The following ELP1 variants were observed in gnomAD, a reference collection of about 807,000 sequenced individuals.
ELP1 encodes the protein elongator complex protein 1.
A neutral mutation model predicts 183.2 loss-of-function variants in ELP1; 131 were observed. The ratio of observed to expected loss-of-function variants is 0.72; its 90% CI spans 0.62 to 0.83. The LOEUF (loss-of-function observed/expected upper bound fraction) is 0.83, where lower values mean the gene tolerates loss of function less well. Ranked by LOEUF, ELP1 falls within the 40% of genes least tolerant of loss-of-function variation. The pLI, the probability that ELP1 is intolerant of heterozygous loss-of-function variation, is 0.00. For synonymous variants in ELP1, 555 were observed against 569.0 expected (o/e 0.98, Z 0.35); for missense variants, 1,550 against 1,594.9 (o/e 0.97, Z 0.48).
In ELP1 at chr9:108,881,720, G is replaced by T; in HGVS notation, c.3331C>A (p.Pro1111Thr). 1 of 1,578,766 alleles carries T rather than the reference G, an allele frequency of 6.3e-7. No individual in the cohort carries two copies. The highest frequency in any genetic ancestry group is 8.7e-7 in the Non-Finnish European group (1 of 1,148,212). Residue 1111 changes from proline to threonine, a missense_variant, in exon 31 of 37, where the codon CCT (proline) becomes ACT (threonine). Pro to Thr is a conservative substitution (Grantham distance 38). Transcript: ENST00000374647. ...GAACCCTCACCTTCTAAAATGGAAG[G>T]CTTTACGTTGGTTTCTATAATATCC... ...RLDIIETNVK[P>T]SILEAQKNYM...
intron 3 of ELP1, among the ~76,000 whole-genome samples, chr9:108,929,142 A>T (rs1829915870): frequency 1.3e-5 from 2 of 152,268 alleles, no homozygotes; most frequent in Non-Finnish European, 1.5e-5. Context: ...GACATAATCA[A>T]TGTTAAGGAG....
chr9:108,876,687 G>A (rs1827718060), intron 35 of ELP1, among the ~76,000 whole-genome samples: 1 of 151,714 alleles, frequency 6.6e-6, no homozygotes, highest in Non-Finnish European at 1.5e-5. Context: ...TACAAAGCTG[G>A]AGGATGAACA....
At chr9:108,927,248 T>C in intron 4 of ELP1, 124 bp downstream of exon 4, 1 of 761,082 alleles carries the variant, frequency 1.3e-6, no homozygotes, top group Non-Finnish European at 2.4e-6. Flanking sequence ...TACTGGTTCA[T>C]AATTGGTATT....
intron 3 of ELP1, among the ~76,000 whole-genome samples, chr9:108,927,685 A>G (rs944568417): frequency 6.6e-6 from 1 of 152,252 alleles, no homozygotes; most frequent in Non-Finnish European, 1.5e-5. Flanking sequence ...ACTATACACA[A>G]TGGAGTACTA....
Position 108,931,194 on chromosome 9 carries a change from A to G in ELP1, c.-48T>C. 6.4e-7 allele frequency: 1 copy of G among 1,554,398 alleles called. No individual in the cohort carries two copies. Among genetic ancestry groups the G allele is most frequent in the Non-Finnish European group, 8.9e-7 (1 of 1,125,674 alleles). On this transcript the variant is annotated 5_prime_UTR_variant, in exon 2 of 37. It removes an upstream start codon present in the reference 5' UTR. Transcript: ENST00000374647. ...AAGTACAACTATCCCTTGATGAATC[A>G]TTAATCTCTAAGAGAAAAATAAATA...
chr9:108,918,920 A>C lies in ELP1; in HGVS notation c.650-19T>G. On this transcript the variant is annotated intron_variant, in intron 7 of 36. Coordinates refer to ENST00000374647, the MANE Select transcript of ELP1 (RefSeq NM_003640.5). The stretch of plus-strand genomic sequence containing the variant: ...CGAGCCCCTGTGCGGGAGTGGAGTC[A>C]AACACACATACACACTTAAAACATT... 5 of 1,555,372 alleles carry C rather than the reference A, an allele frequency of 3.2e-6. No individual in the cohort carries two copies. The highest frequency in any genetic ancestry group is 4.4e-6 in the Non-Finnish European group (5 of 1,126,304).
intron 9 of ELP1, among the ~76,000 whole-genome samples, chr9:108,916,918 A>G (rs1829456230): frequency 6.6e-6 from 1 of 152,228 alleles, no homozygotes; most frequent in African/African-American, 2.4e-5. Context: ...ATGGTATACA[A>G]ACCACTTAAG....
intron 33 of ELP1, among the ~76,000 whole-genome samples, chr9:108,878,994 T>C (rs1587871913): frequency 6.6e-6 from 1 of 152,354 alleles, no homozygotes; most frequent in African/African-American, 2.4e-5. Context: ...TAACATCTAC[T>C]GCACCTACCA....
intron 17 of ELP1, 36 bp from the exon 18 acceptor site, chr9:108,901,566 T>C (rs370234148): frequency 5.6e-6 from 9 of 1,610,648 alleles, no homozygotes; most frequent in African/African-American, 1.3e-5. Context: ...GGGTGAAAGC[T>C]AGCTAGATTA....
At chr9:108,875,522 T>G (rs2118927101) in intron 35 of ELP1, 1 of 264,690 alleles carries the variant, frequency 3.8e-6, no homozygotes, top group East Asian at 1.1e-4. Context: ...AGCAATGCCA[T>G]GAGAAGTCAC....
At chr9:108,875,398 AACTGTGCACATGTGCTCCAGGTAAAAC>A (rs1448762130) in intron 35 of ELP1, among the ~76,000 whole-genome samples, 1 of 152,236 alleles carries the variant, frequency 6.6e-6, no homozygotes, top group African/African-American at 2.4e-5. Flanking sequence ...GCAGAATGGA[AACTGTGCACATGTGCTCCAGGTAAAAC>A]ACAAGACTCC....
At chr9:108,903,019 A>C (rs1308168778) in intron 15 of ELP1, 77 bp from the exon 16 acceptor site, 4 of 985,346 alleles carry the variant, frequency 4.1e-6, no homozygotes, top group Non-Finnish European at 4.8e-6. Flanking sequence ...ACATTTGCTA[A>C]AACACTTAAC....
chr9:108,891,512 T>A, intron 27 of ELP1, 108 bp from the exon 28 acceptor site: 5 of 994,588 alleles, frequency 5.0e-6, no homozygotes, highest in South Asian at 4.1e-5. Context: ...TTGAAAGAAT[T>A]ACCTGGGAAA....
chr9:108,874,599 G>C (rs983115229), intron 36 of ELP1, among the ~76,000 whole-genome samples: 3 of 152,180 alleles, frequency 2.0e-5, no homozygotes, highest in African/African-American at 7.2e-5. Flanking sequence ...AGACAGTTTA[G>C]ACTGAAACTG....
chr9:108,895,022 G>A (rs1198349810), intron 25 of ELP1, among the ~76,000 whole-genome samples: 1 of 152,118 alleles, frequency 6.6e-6, no homozygotes, highest in East Asian at 1.9e-4. Context: ...CGAGGCAGAT[G>A]GATTGCTTCA....
At position 108,893,936 on chromosome 9, in the gene ELP1, C is replaced by G. The variant is rs1247714394; in HGVS notation, c.2860+7G>C. Reference sequence around the variant, plus strand: ...GTAGAGATAAACATACTAATCCCCACACTTACCACATTTGCTGAGGTGGCC... The same window carrying G: ...GTAGAGATAAACATACTAATCCCCAGACTTACCACATTTGCTGAGGTGGCC... On this transcript the variant is annotated splice_region_variant and intron_variant, in intron 26 of 36. Coordinates refer to ENST00000374647, the MANE Select transcript of ELP1 (RefSeq NM_003640.5). 3.1e-6 allele frequency: 5 copies of G among 1,613,802 alleles called. No homozygotes were observed. Among genetic ancestry groups the G allele is most frequent in the East Asian group, 2.2e-5 (1 of 44,822 alleles).
At chr9:108,914,536 G>A (rs928198180) in intron 10 of ELP1, among the ~76,000 whole-genome samples, 2 of 152,080 alleles carry the variant, frequency 1.3e-5, no homozygotes, top group Admixed American at 6.5e-5. Context: ...TGACAAAACT[G>A]TAAATGTCTA....
At position 108,889,359 on chromosome 9, in the gene ELP1, C is replaced by T. The variant is rs758321016; in HGVS notation, c.3195G>A (p.Ala1065=). 10 of 1,613,994 alleles carry T rather than the reference C, an allele frequency of 6.2e-6. No homozygotes were observed. Among genetic ancestry groups the T allele is most frequent in the East Asian group, 2.2e-5 (1 of 44,882 alleles). The change falls in exon 29 of 37, where the codon GCG becomes GCA. Residue 1065 remains alanine (A), a synonymous_variant. Coordinates refer to ENST00000374647, the MANE Select transcript of ELP1 (RefSeq NM_003640.5). Reference sequence around the variant, plus strand: ...GGGCACACTCTTCCAAAACCATGGCCGCATCAATGTGCTTCCTCTGCTCAA... The same window carrying T: ...GGGCACACTCTTCCAAAACCATGGCTGCATCAATGTGCTTCCTCTGCTCAA... The part of the protein sequence containing the change: ...KLVEQRKHID[A]AMVLEECAQD...
At chr9:108,892,960 G>A in intron 27 of ELP1, 26 bp downstream of exon 27, 2 of 1,538,554 alleles carry the variant, frequency 1.3e-6, no homozygotes, top group East Asian at 2.2e-5. Context: ...AAAACCAGGA[G>A]AGCCTCATTT....
Sources: allele counts gnomAD v4.1 joint callset (sites outside exome capture counted in the v4.1 genomes callset), GRCh38; gene constraint gnomAD v4.1.1; transcripts MANE v1.5; gene names NCBI Gene and HGNC (gene_info 2026-07-23, HGNC 2026-07-21).